Variants in TTC23L observed in about 807,000 individuals in gnomAD.
The protein encoded by TTC23L is tetratricopeptide repeat protein 23-like.
A neutral mutation model predicts 48.1 loss-of-function variants in TTC23L; 42 were observed. The ratio of observed to expected loss-of-function variants is 0.87; its 90% CI spans 0.68 to 1.13. TTC23L has a LOEUF of 1.13. TTC23L is among the 50% of genes most tolerant of loss of function. The pLI, the probability that TTC23L is intolerant of heterozygous loss-of-function variation, is 0.00. For missense variants in TTC23L, 391 were observed against 421.0 expected (o/e 0.93, Z 0.62); for synonymous variants, 159 against 157.2 (o/e 1.01, Z -0.09).
chr5:34,914,439 A>C, the TTC23L span: 2 of 476,448 alleles, frequency 4.2e-6, no homozygotes, highest in Non-Finnish European at 7.5e-6. Flanking sequence ...CTAGTTTAAT[A>C]AACTTTAGTC....
intron 9 of TTC23L, among the ~76,000 whole-genome samples, chr5:34,885,770 A>G (rs1762505351): frequency 1.3e-5 from 2 of 151,916 alleles, no homozygotes; most frequent in African/African-American, 4.8e-5. Context: ...GAAACCATTT[A>G]GGAGTAAAGT....
At position 34,898,414 on chromosome 5, in the gene TTC23L, A is replaced by G. The variant is rs927269656; in HGVS notation, c.*98-976A>G. ...TAAACTCAAAGATAATATATACACTATGGAAATCAGTTGTCCTTTCAGGTT... is the reference window on the plus strand; with the variant it reads ...TAAACTCAAAGATAATATATACACTGTGGAAATCAGTTGTCCTTTCAGGTT... On this transcript the variant is annotated intron_variant, in intron 10 of 10. Coordinates refer to ENST00000505624, the Ensembl canonical transcript of TTC23L. Among the ~76,000 whole-genome samples, 7 of 152,198 alleles carry G rather than the reference A, an allele frequency of 4.6e-5. 1 individual carries two copies. The highest frequency in any genetic ancestry group is 2.6e-4 in the Admixed American group (4 of 15,274).
chr5:34,902,427 T>A (rs1380336488), downstream of TTC23L: 1 of 390,024 alleles, frequency 2.6e-6, no homozygotes, highest in Non-Finnish European at 5.3e-6. Context: ...AAAAATAAAT[T>A]AATAATAATA....
the TTC23L span, chr5:34,911,530 T>C: frequency 6.2e-7 from 1 of 1,611,898 alleles, no homozygotes; most frequent in Non-Finnish European, 8.5e-7. Context: ...CCACATTAAC[T>C]ATAACTGCAC....
intron 3 of TTC23L, among the ~76,000 whole-genome samples, chr5:34,845,924 C>T (rs1302935479): frequency 6.6e-6 from 1 of 152,138 alleles, no homozygotes; most frequent in Non-Finnish European, 1.5e-5. Context: ...AGGCCAGGTG[C>T]AGTGGCTCAT....
At position 34,866,876 on chromosome 5, in the gene TTC23L, A is replaced by G. The variant is rs779123694; in HGVS notation, c.663-16A>G. 1.9e-6 allele frequency: 3 copies of G among 1,565,814 alleles called. No individual in the cohort carries two copies. The highest frequency in any genetic ancestry group is 1.2e-5 in the South Asian group (1 of 85,840). ...GGCCTCTCTGTGACTTTCTATTTTC[A>G]TCCCTTTTCTTGCAGAGCCTCCTTG... On this transcript the variant is annotated splice_polypyrimidine_tract_variant and intron_variant, in intron 6 of 10. Coordinates refer to ENST00000505624, the Ensembl canonical transcript of TTC23L.
the TTC23L span, chr5:34,918,063 G>A: frequency 5.1e-6 from 1 of 196,754 alleles, no homozygotes; most frequent in African/African-American, 2.3e-5. Context: ...TATAATCCCA[G>A]CGCTTTGGGA....
intron 9 of TTC23L, among the ~76,000 whole-genome samples, chr5:34,895,363 G>A (rs986854978): frequency 1.3e-5 from 2 of 152,156 alleles, no homozygotes; most frequent in African/African-American, 2.4e-5. Context: ...AAAGCACTTA[G>A]CACAGTATCT....
chr5:34,896,801 G>C (rs751346540), exon 10 of TTC23L: 1 of 760,484 alleles, frequency 1.3e-6, no homozygotes, highest in African/African-American at 1.7e-5. Flanking sequence ...ATGGAGAAGA[G>C]AAGCCATTCC....
At chr5:34,854,057 T>G (rs1185568673) in intron 4 of TTC23L, among the ~76,000 whole-genome samples, 1 of 152,224 alleles carries the variant, frequency 6.6e-6, no homozygotes, top group African/African-American at 2.4e-5. Flanking sequence ...ACAAACTGCC[T>G]TTGAGTTTTA....
downstream of TTC23L, among the ~76,000 whole-genome samples, chr5:34,903,078 A>T (rs958248862): frequency 6.6e-6 from 1 of 152,130 alleles, no homozygotes; most frequent in Non-Finnish European, 1.5e-5. Context: ...TGACAAACCT[A>T]TATCAATAAA....
intron 7 of TTC23L, chr5:34,867,838 C>A (rs1434983812): frequency 1.3e-5 from 2 of 152,244 alleles, no homozygotes; most frequent in Non-Finnish European, 2.9e-5. Flanking sequence ...TTATAAACAT[C>A]ACACAGTGGA....
the TTC23L span, chr5:34,922,813 C>A: frequency 6.5e-7 from 1 of 1,546,126 alleles, no homozygotes; most frequent in Non-Finnish European, 8.9e-7. Flanking sequence ...TCTTATCTGG[C>A]ATGGTTGTTT....
At chr5:34,895,730 T>C (rs1416169248) in intron 9 of TTC23L, among the ~76,000 whole-genome samples, 2 of 151,982 alleles carry the variant, frequency 1.3e-5, no homozygotes, top group African/African-American at 2.4e-5. Flanking sequence ...AGGGTGGAGA[T>C]GGGGATTTGG....
At chr5:34,851,350 A>G (rs560674282) in intron 4 of TTC23L, among the ~76,000 whole-genome samples, 1 of 152,304 alleles carries the variant, frequency 6.6e-6, no homozygotes, top group African/African-American at 2.4e-5. Flanking sequence ...AAAAATTAAA[A>G]TTGAGTTCAC....
At chr5:34,849,657 A>G (rs1356264814) in intron 3 of TTC23L, among the ~76,000 whole-genome samples, 5 of 152,202 alleles carry the variant, frequency 3.3e-5, no homozygotes, top group African/African-American at 4.8e-5. Flanking sequence ...TTCTAAGTCC[A>G]TATCTTTTAG....
intron 9 of TTC23L, among the ~76,000 whole-genome samples, chr5:34,885,226 G>C (rs187173121): frequency 6.6e-6 from 1 of 152,180 alleles, no homozygotes; most frequent in Non-Finnish European, 1.5e-5. Flanking sequence ...AAGGGCAGGA[G>C]AACTGTAACA....
chr5:34,914,706 C>T, the TTC23L span: 2 of 1,614,206 alleles, frequency 1.2e-6, no homozygotes, highest in South Asian at 1.1e-5. Context: ...TGAATAAAAG[C>T]ATTTGCTTGC....
chr5:34,879,493 C>G (rs1266332657), intron 8 of TTC23L, among the ~76,000 whole-genome samples: 1 of 152,102 alleles, frequency 6.6e-6, no homozygotes, highest in Non-Finnish European at 1.5e-5. Flanking sequence ...CCTCCCAGCA[C>G]CCCCCAAACA....
Sources: gnomAD v4.1 joint callset for allele counts (sites outside exome capture counted in the v4.1 genomes callset) on GRCh38, gnomAD v4.1.1 for gene constraint, MANE v1.5 for transcripts, NCBI Gene and HGNC (gene_info 2026-07-23, HGNC 2026-07-21) for gene names.